The following BCL9 variants were observed in gnomAD, a reference collection of about 807,000 sequenced individuals.
BCL9 encodes B-cell CLL/lymphoma 9 protein.
In BCL9, 25 loss-of-function variants were observed where a neutral mutation model predicts 88.5. The ratio of observed to expected loss-of-function variants is 0.28; its 90% CI spans 0.21 to 0.39. The LOEUF (loss-of-function observed/expected upper bound fraction) is 0.39, where lower values mean the gene tolerates loss of function less well. Among genes scored for constraint, BCL9 ranks in the 10% least tolerant of loss-of-function variants. The pLI, the probability that BCL9 is intolerant of heterozygous loss-of-function variation, is 1.00. For missense variants in BCL9, 1,817 were observed against 1,877.8 expected (o/e 0.97, Z 0.60); for synonymous variants, 711 against 673.3 (o/e 1.06, Z -0.87).
In BCL9 at chr1:147,622,493, C is replaced by A. The variant is rs782668196; in HGVS notation, c.3125C>A (p.Ala1042Asp). The A allele has an allele frequency of 1.9e-6, 3 of 1,614,182 alleles. No homozygotes were observed. The highest frequency in any genetic ancestry group is 2.5e-6 in the Non-Finnish European group (3 of 1,180,038). The change falls in exon 9 of 10, where the codon GCT (alanine) becomes GAT (aspartate). Residue 1042 changes from alanine (A) to aspartate (D), a missense_variant. This residue lies in a region of BCL9 where 589 missense variants were observed against 686.2 expected (regional missense o/e 0.86). Coordinates refer to ENST00000234739, the MANE Select transcript of BCL9 (RefSeq NM_004326.4). The part of the protein sequence containing the change: ...VASSDDDSPP[A>D]RSPNLPSMNN... ...AGCTCAGATGACGACTCCCCTCCAG[C>A]TCGTTCTCCCAACTTGCCATCAATG...
chr1:147,620,251 C>T lies in BCL9; in HGVS notation c.2096C>T (p.Pro699Leu), dbSNP rs868986791. 1 of 1,614,116 alleles carries T rather than the reference C, an allele frequency of 6.2e-7. No homozygotes were observed. Among genetic ancestry groups the T allele is most frequent in the South Asian group, 1.1e-5 (1 of 91,080 alleles). ...SRGDFPKGIP[P>L]QMGPGRELEF... ...GGTGACTTTCCAAAAGGAATTCCCC[C>T]ACAGATGGGCCCTGGTCGGGAACTT... Residue 699 changes from proline (P) to leucine (L), a missense_variant, in exon 8 of 10, where the codon CCA becomes CTA. Pro to Leu is a moderately conservative substitution (Grantham distance 98, BLOSUM62 -3). Transcript: ENST00000234739.
At chr1:147,587,509 C>G (rs1384609238) in intron 1 of BCL9, among the ~76,000 whole-genome samples, 2 of 152,090 alleles carry the variant, frequency 1.3e-5, no homozygotes, top group East Asian at 3.9e-4. Context: ...GGGGAGAAAC[C>G]TCGTGGGATT....
chr1:147,557,200 C>A (rs1553195547), intron 1 of BCL9, among the ~76,000 whole-genome samples: 1 of 152,144 alleles, frequency 6.6e-6, no homozygotes, highest in African/African-American at 2.4e-5. Context: ...CTGGGTAACT[C>A]ACTAGCACAA....
rs1655779002 is a variant in BCL9 at position 147,569,497 on chromosome 1, A to AC, written c.-478+27823_-478+27824insC. On this transcript the variant is annotated intron_variant, in intron 1 of 9. Coordinates refer to ENST00000234739, the MANE Select transcript of BCL9 (RefSeq NM_004326.4). ...ACAAAAAAAAAAAAAAAGAAAGAAA[A>AC]AAATCAGCCAGGTGTGGTGGCATGT... Among the ~76,000 whole-genome samples the AC allele has an allele frequency of 2.7e-5, 4 of 146,094 alleles. No individual in the cohort carries two copies. The Middle Eastern group carries it at 0.011, about 391-fold the overall frequency.
In BCL9 at chr1:147,615,211, TTTTCTAAACA is replaced by T. The variant is rs587593494; in HGVS notation, c.561-591_561-582del. Among the ~76,000 whole-genome samples, 14 of 152,278 alleles carry T rather than the reference TTTTCTAAACA, an allele frequency of 9.2e-5. No homozygotes were observed. In the East Asian group the frequency reaches 2.5e-3, roughly 27 times the overall value. The stretch of plus-strand genomic sequence containing the variant: ...CTTTTCTGCAACCTACCTATTATTA[TTTTCTAAACA>T]ACACAAGTAACAAATGTCCATTCTA... On this transcript the variant is annotated intron_variant, in intron 6 of 9. Transcript: ENST00000234739.
chr1:147,602,864 C>T (rs1553201511), intron 1 of BCL9, among the ~76,000 whole-genome samples: 1 of 152,168 alleles, frequency 6.6e-6, no homozygotes. Context: ...AATATTTGTT[C>T]ATGGTGACTT....
At chr1:147,548,992 T>TTTG (rs1654754115) in intron 1 of BCL9, among the ~76,000 whole-genome samples, 3 of 149,334 alleles carry the variant, frequency 2.0e-5, no homozygotes, top group African/African-American at 7.4e-5. Context: ...TTTTTTTTTT[T>TTTG]TTTTGACTGA....
intron 9 of BCL9, among the ~76,000 whole-genome samples, chr1:147,623,602 C>A (rs1658762758): frequency 6.6e-6 from 1 of 152,198 alleles, no homozygotes; most frequent in Non-Finnish European, 1.5e-5. Context: ...ATGACAATTT[C>A]TCCCTTGCTA....
intron 1 of BCL9, among the ~76,000 whole-genome samples, chr1:147,569,772 C>A (rs1384891069): frequency 6.6e-6 from 1 of 152,120 alleles, no homozygotes; most frequent in African/African-American, 2.4e-5. Flanking sequence ...GAAAGGTGAT[C>A]AGGGCCGATG....
At chr1:147,613,740 G>A (rs782267883) in intron 5 of BCL9, among the ~76,000 whole-genome samples, 10 of 152,204 alleles carry the variant, frequency 6.6e-5, no homozygotes, top group Non-Finnish European at 1.3e-4. Context: ...GCTACCAGAT[G>A]TGTAGAGATT....
At chr1:147,601,924 G>A (rs782454373) in intron 1 of BCL9, among the ~76,000 whole-genome samples, 3 of 152,036 alleles carry the variant, frequency 2.0e-5, no homozygotes, top group African/African-American at 7.2e-5. Context: ...TTTTTGAGAC[G>A]GAGTCTCGCT....
intron 1 of BCL9, among the ~76,000 whole-genome samples, chr1:147,595,687 A>AAAATAAAT (rs587596115): frequency 6.6e-6 from 1 of 152,092 alleles, no homozygotes; most frequent in Non-Finnish European, 1.5e-5. Flanking sequence ...ATCTCTACAA[A>AAAATAAAT]AAATAAATAA....
chr1:147,607,719 A>C (rs1165200716), intron 3 of BCL9, among the ~76,000 whole-genome samples: 3 of 152,188 alleles, frequency 2.0e-5, no homozygotes, highest in African/African-American at 7.2e-5. Flanking sequence ...AATTTCTGGC[A>C]TGAGCAACTG....
chr1:147,576,547 A>G (rs587708300), intron 1 of BCL9, among the ~76,000 whole-genome samples: 179 of 152,294 alleles, frequency 1.2e-3, no homozygotes, highest in African/African-American at 4.1e-3. Context: ...ATTACTAAAC[A>G]TTGTGGTGAT....
intron 2 of BCL9, among the ~76,000 whole-genome samples, chr1:147,606,015 C>A (rs1657683007): frequency 6.6e-6 from 1 of 152,174 alleles, no homozygotes; most frequent in Non-Finnish European, 1.5e-5. Context: ...CTCTAGGAAT[C>A]CTTCTAAAGA....
chr1:147,616,304 T>C (rs587702358), intron 7 of BCL9, among the ~76,000 whole-genome samples: 2 of 152,366 alleles, frequency 1.3e-5, no homozygotes, highest in African/African-American at 4.8e-5. Context: ...CTAGAGTACA[T>C]GATGACAGTA....
intron 4 of BCL9, among the ~76,000 whole-genome samples, chr1:147,612,483 C>T (rs587594675): frequency 6.6e-6 from 1 of 152,330 alleles, no homozygotes; most frequent in African/African-American, 2.4e-5. Context: ...GGAAGTGAGG[C>T]TCTCCTACAG....
chr1:147,542,550 C>G (rs112523167), intron 1 of BCL9, among the ~76,000 whole-genome samples: 196 of 152,276 alleles, frequency 1.3e-3, no homozygotes, highest in African/African-American at 4.5e-3. Context: ...TGATCATCAT[C>G]ATCAGGGTAA....
intron 1 of BCL9, among the ~76,000 whole-genome samples, chr1:147,603,015 AAT>A (rs782243134): frequency 2.0e-4 from 31 of 152,310 alleles, no homozygotes; most frequent in Middle Eastern, 3.4e-3. Context: ...AACCACTCAT[AAT>A]GGCGTTTCTG....
Sources: gnomAD v4.1 joint callset for allele counts (sites outside exome capture counted in the v4.1 genomes callset) on GRCh38, gnomAD v4.1.1 for gene constraint, gnomAD v4.1.1 regional missense constraint, MANE v1.5 for transcripts, NCBI Gene and HGNC (gene_info 2026-07-23, HGNC 2026-07-21) for gene names.